CREB5: variants seen among roughly 807,000 people sequenced by gnomAD.
CREB5 encodes the protein cyclic AMP-responsive element-binding protein 5.
In CREB5, 19 loss-of-function variants were observed where a neutral mutation model predicts 57.1. The ratio of observed to expected loss-of-function variants is 0.33; its 90% CI spans 0.23 to 0.49. The LOEUF (loss-of-function observed/expected upper bound fraction) is 0.49. Among genes scored for constraint, CREB5 ranks in the 20% least tolerant of loss-of-function variants. The probability of loss-of-function intolerance (pLI) is 0.99; values close to 1 mark genes in which losing one functional copy is unlikely to be tolerated. For missense variants in CREB5, 579 were observed against 671.6 expected (o/e 0.86, Z 1.52); for synonymous variants, 238 against 238.3 (o/e 1.00, Z 0.01).
chr7:28,586,087 C>G (rs1562813495), intron 5 of CREB5, among the ~76,000 whole-genome samples: 2 of 152,022 alleles, frequency 1.3e-5, no homozygotes, highest in Non-Finnish European at 2.9e-5. Flanking sequence ...ATCTTGATTC[C>G]CTTACTATTT....
At chr7:28,410,265 C>T (rs1414143849), upstream of CREB5, 3 of 455,604 alleles carry the variant, frequency 6.6e-6, no homozygotes, top group African/African-American at 6.0e-5. Context: ...CTCCTCCGGC[C>T]GCCTCCTGCC....
chr7:28,379,833 T>G (rs945708630), intron 1 of CREB5, among the ~76,000 whole-genome samples: 5 of 152,232 alleles, frequency 3.3e-5, no homozygotes, highest in Admixed American at 3.3e-4. Flanking sequence ...ATACAAATTC[T>G]TGAGCCCCCA....
chr7:28,759,321 T>C (rs1562621694), intron 7 of CREB5, among the ~76,000 whole-genome samples: 2 of 152,140 alleles, frequency 1.3e-5, no homozygotes, highest in Non-Finnish European at 2.9e-5. Context: ...AGCAATAAAA[T>C]ATAAATTTAC....
At chr7:28,716,043 A>G (rs1035077644) in intron 5 of CREB5, among the ~76,000 whole-genome samples, 1 of 152,206 alleles carries the variant, frequency 6.6e-6, no homozygotes, top group Admixed American at 6.5e-5. Context: ...AGAGTTTTCC[A>G]TGGTTTCAGG....
chr7:28,654,590 T>C (rs1453790685), intron 5 of CREB5, among the ~76,000 whole-genome samples: 1 of 152,208 alleles, frequency 6.6e-6, no homozygotes, highest in Non-Finnish European at 1.5e-5. Context: ...TCCATTTACC[T>C]TTTCTGTACT....
At chr7:28,560,885 T>TGCGCGCGTGC (rs756357339) in intron 4 of CREB5, among the ~76,000 whole-genome samples, 1 of 26,478 alleles carries the variant, frequency 3.8e-5, no homozygotes, top group South Asian at 1.7e-3. Flanking sequence ...CGTGCGTGCG[T>TGCGCGCGTGC]GCGTGTGTGT....
At chr7:28,793,675 AG>A (rs1458053970) in intron 7 of CREB5, among the ~76,000 whole-genome samples, 2 of 152,180 alleles carry the variant, frequency 1.3e-5, no homozygotes, top group Non-Finnish European at 2.9e-5. Flanking sequence ...GGCTTGGGGG[AG>A]GATCTGCTAG....
intron 5 of CREB5, among the ~76,000 whole-genome samples, chr7:28,679,869 A>C (rs1800504743): frequency 6.6e-6 from 1 of 152,220 alleles, no homozygotes; most frequent in Non-Finnish European, 1.5e-5. Context: ...GCTAATTGAG[A>C]AGAAGGAAAG....
chr7:28,426,000 C>T (rs1029865685), intron 1 of CREB5, among the ~76,000 whole-genome samples: 8 of 152,250 alleles, frequency 5.3e-5, no homozygotes, highest in African/African-American at 1.9e-4. Context: ...TCATGCCCTT[C>T]ACTGACTTGG....
intron 5 of CREB5, among the ~76,000 whole-genome samples, chr7:28,658,989 A>AT (rs1799480752): frequency 2.0e-4 from 28 of 141,270 alleles, no homozygotes; most frequent in African/African-American, 5.6e-4. Context: ...ATGTATATAT[A>AT]AGTCATAATT....
rs954343599 is a variant in CREB5, at chr7:28,570,879, G to C, written c.464+342G>C. ...CGCAGAACAAACATGGTGGAGGGAA[G>C]TTCTACCAGCTCAGCCTTGTCTCCA... is the stretch of plus-strand genomic sequence containing the variant. On this transcript the variant is annotated intron_variant, in intron 5 of 10. Coordinates refer to ENST00000357727, the MANE Select transcript of CREB5 (RefSeq NM_182898.4). 2.0e-5 allele frequency among the ~76,000 whole-genome samples: 3 copies of C among 152,036 alleles called. 1 individual carries two copies. The highest frequency in any genetic ancestry group is 3.9e-4 in the East Asian group (2 of 5,170).
intron 5 of CREB5, among the ~76,000 whole-genome samples, chr7:28,592,821 C>G (rs2128665063): frequency 6.6e-6 from 1 of 152,326 alleles, no homozygotes. Flanking sequence ...AGTGCCAGCA[C>G]ATAATAACCT....
intron 1 of CREB5, 133 bp downstream of exon 1, chr7:28,413,050 T>C: frequency 1.4e-6 from 1 of 718,164 alleles, no homozygotes; most frequent in South Asian, 3.9e-5. Flanking sequence ...TTAATGTTGC[T>C]TTTGTCAGTT....
At chr7:28,730,608 C>A (rs1803562357) in intron 7 of CREB5, among the ~76,000 whole-genome samples, 1 of 152,100 alleles carries the variant, frequency 6.6e-6, no homozygotes, top group South Asian at 2.1e-4. Context: ...CTGGTTCTAG[C>A]CCTTAATTGT....
intron 1 of CREB5, among the ~76,000 whole-genome samples, chr7:28,361,117 A>T (rs551791338): frequency 6.6e-6 from 1 of 151,294 alleles, no homozygotes; most frequent in African/African-American, 2.4e-5. Flanking sequence ...AACCTCAGCT[A>T]AAAAAAAACT....
In CREB5 at chr7:28,317,780, C is replaced by T. The variant is rs558674642; in HGVS notation, c.-25+18339C>T. On this transcript the variant is annotated intron_variant, in intron 1 of 9. Coordinates refer to the CREB5 transcript ENST00000396299. Reference sequence around the variant, plus strand: ...TACAGTGTGTTTTATATTATTGTTCCGTACATGTCAGGCTAATCTCTTCAT... The same window carrying T: ...TACAGTGTGTTTTATATTATTGTTCTGTACATGTCAGGCTAATCTCTTCAT... 3.3e-5 allele frequency among the ~76,000 whole-genome samples: 5 copies of T among 152,188 alleles called. No homozygotes were observed. In the East Asian group the frequency reaches 5.8e-4, roughly 18 times the overall value.
At chr7:28,638,705 T>C (rs1798526423) in intron 5 of CREB5, among the ~76,000 whole-genome samples, 1 of 152,202 alleles carries the variant, frequency 6.6e-6, no homozygotes, top group South Asian at 2.1e-4. Flanking sequence ...GATATTATTA[T>C]AACTTCTGCA....
intron 9 of CREB5, among the ~76,000 whole-genome samples, chr7:28,816,055 G>GCATATACGCACACACA (rs1554303446): frequency 6.9e-6 from 1 of 145,258 alleles, no homozygotes; most frequent in Non-Finnish European, 1.5e-5. Flanking sequence ...AAATATATAC[G>GCATATACGCACACACA]CACACACACA....
At chr7:28,763,503 T>G (rs1475978215) in intron 7 of CREB5, among the ~76,000 whole-genome samples, 1 of 152,212 alleles carries the variant, frequency 6.6e-6, no homozygotes, top group Admixed American at 6.5e-5. Flanking sequence ...TGCAGTTAAA[T>G]ACTTTACCCT....
Sources: gnomAD v4.1 joint callset for allele counts (sites outside exome capture counted in the v4.1 genomes callset) on GRCh38, gnomAD v4.1.1 for gene constraint, MANE v1.5 for transcripts, NCBI Gene and HGNC (gene_info 2026-07-23, HGNC 2026-07-21) for gene names.